CLCN5: variants seen among roughly 807,000 people sequenced by gnomAD.
CLCN5 encodes H(+)/Cl(-) exchange transporter 5.
CLCN5 carries 17 observed loss-of-function variants against 54.0 expected under a neutral mutation model. That is an observed-to-expected ratio of 0.31 (90% CI 0.22 to 0.47). The LOEUF is 0.47. CLCN5 is among the 20% of genes least tolerant of loss of function. The probability of loss-of-function intolerance (pLI) is 1.00; values close to 1 mark genes in which losing one functional copy is unlikely to be tolerated. For missense variants in CLCN5, 448 were observed against 646.7 expected (o/e 0.69, Z 3.33); for synonymous variants, 222 against 233.0 (o/e 0.95, Z 0.43).
intron 3 of CLCN5, among the ~76,000 whole-genome samples, chrX:50,032,585 A>T (rs1931764188): frequency 9.4e-6 from 1 of 106,015 alleles, no homozygotes; most frequent in African/African-American, 3.7e-5. Context: ...TTTTCTTGTA[A>T]ATTTGTTTGA....
Position 49,952,631 on chromosome X carries a change from C to G in CLCN5, c.16+27317C>G, listed in dbSNP as rs560395760. ...AATTGGCTTTTCCTTTTATAGAATT[C>G]TAAAATGTTAAAGCTACAAATGGAT... On this transcript the variant is annotated intron_variant, in intron 3 of 14. Coordinates refer to ENST00000376091, the MANE Select transcript of CLCN5 (RefSeq NM_001127898.4). Among the ~76,000 whole-genome samples, 96 of 110,773 alleles carry G rather than the reference C, an allele frequency of 8.7e-4. 1 individual carries two copies. In the South Asian group the frequency reaches 0.034, roughly 40 times the overall value.
Position 50,090,120 on chromosome X carries a change from G to A in CLCN5, c.1749G>A (p.Gly583=). The change falls in exon 13 of 15, where the codon GGG becomes GGA. Residue 583 remains glycine, a synonymous_variant. Coordinates refer to ENST00000376091, the MANE Select transcript of CLCN5 (RefSeq NM_001127898.4). ...AMVGAAACLG[G]VTRMTVSLVV... is the part of the protein sequence containing the mutation. ...ACTGTGTCTATTTCTTTGCAGGTGG[G>A]GTGACTCGGATGACTGTTTCTCTTG... The A allele has an allele frequency of 8.3e-7, 1 of 1,210,401 alleles. No individual in the cohort carries two copies.
At chrX:50,065,820 T>TA (rs1254403541) in intron 4 of CLCN5, among the ~76,000 whole-genome samples, 1 of 101,953 alleles carries the variant, frequency 9.8e-6, no homozygotes, top group African/African-American at 3.7e-5. Context: ...CACCATGGAA[T>TA]ACTATGCAGC....
At chrX:49,924,653 TATA>T (rs1386431044) in intron 2 of CLCN5, among the ~76,000 whole-genome samples, 1 of 112,155 alleles carries the variant, frequency 8.9e-6, no homozygotes, top group Non-Finnish European at 1.9e-5. Flanking sequence ...GGTGGGAAAG[TATA>T]ATGACACAAG....
chrX:50,004,390 G>T (rs1557181088), intron 3 of CLCN5, among the ~76,000 whole-genome samples: 1 of 111,054 alleles, frequency 9.0e-6, no homozygotes, highest in Non-Finnish European at 1.9e-5. Context: ...CAAGGAGTGG[G>T]TGGGGGTAGT....
At chrX:49,932,204 TCATGCCTG>T (rs1335348430) in intron 3 of CLCN5, among the ~76,000 whole-genome samples, 1 of 111,825 alleles carries the variant, frequency 8.9e-6, no homozygotes, top group Admixed American at 9.4e-5. Context: ...GCATGAGCCA[TCATGCCTG>T]GACCCATCTC....
intron 14 of CLCN5, among the ~76,000 whole-genome samples, chrX:50,091,165 A>C (rs1934087620): frequency 8.9e-6 from 1 of 112,145 alleles, no homozygotes; most frequent in African/African-American, 3.2e-5. Flanking sequence ...TTTTGTGCAT[A>C]GGCAGCACTG....
In CLCN5 at chrX:50,080,575, C is replaced by G. The variant is rs782335406; in HGVS notation, c.604-19C>G. On this transcript the variant is annotated intron_variant, in intron 7 of 14. Coordinates refer to ENST00000376091, the MANE Select transcript of CLCN5 (RefSeq NM_001127898.4). ...AAGCTGTCTAGGCTAAAACAAGCTT[C>G]TTTTTCCCCCTGTTCCAGGGAGCCT... The G allele has an allele frequency of 1.3e-5, 15 of 1,186,397 alleles. No individual in the cohort carries two copies. In the East Asian group the frequency reaches 4.6e-4, roughly 37 times the overall value.
At chrX:49,951,014 A>G (rs1557172923) in intron 3 of CLCN5, among the ~76,000 whole-genome samples, 1 of 111,376 alleles carries the variant, frequency 9.0e-6, no homozygotes, top group Admixed American at 9.5e-5. Flanking sequence ...AACCATCCCT[A>G]CCTTTCCCAT....
At chrX:50,088,971 T>C (rs1198538705) in intron 12 of CLCN5, 87 bp downstream of exon 12, 7 of 871,756 alleles carry the variant, frequency 8.0e-6, no homozygotes, top group Non-Finnish European at 1.0e-5. Context: ...TGTAGGAGAA[T>C]TTAAATGCCC....
At chrX:49,944,205 G>T (rs782316451) in intron 3 of CLCN5, among the ~76,000 whole-genome samples, 69 of 111,130 alleles carry the variant, frequency 6.2e-4, no homozygotes, top group African/African-American at 1.0e-3. Flanking sequence ...GCTCTCTGTT[G>T]GTCTGTTATT....
intron 3 of CLCN5, among the ~76,000 whole-genome samples, chrX:50,027,870 T>C (rs901548686): frequency 1.8e-5 from 2 of 111,285 alleles, no homozygotes; most frequent in African/African-American, 6.5e-5. Context: ...GTGTTTACAT[T>C]TGTTGTAACT....
At chrX:49,927,242 T>C (rs1244921378) in intron 3 of CLCN5, among the ~76,000 whole-genome samples, 1 of 112,551 alleles carries the variant, frequency 8.9e-6, no homozygotes, top group East Asian at 2.7e-4. Flanking sequence ...GTTAATGATT[T>C]ATTTTACAAT....
intron 4 of CLCN5, among the ~76,000 whole-genome samples, chrX:50,056,161 T>TC (rs1255776941): frequency 3.6e-5 from 4 of 110,589 alleles, no homozygotes; most frequent in Admixed American, 9.8e-5. Flanking sequence ...CTTGAAATTT[T>TC]CCCCCCACTA....
At chrX:50,085,686 G>A in intron 9 of CLCN5, 1 of 347,099 alleles carries the variant, frequency 2.9e-6, no homozygotes, top group Non-Finnish European at 5.1e-6. Flanking sequence ...TTCAAATGCA[G>A]TTACTGAATT....
chrX:50,019,101 T>C (rs1930934561), intron 3 of CLCN5, among the ~76,000 whole-genome samples: 1 of 111,818 alleles, frequency 8.9e-6, no homozygotes, highest in Non-Finnish European at 1.9e-5. Context: ...TATTTATTAG[T>C]AGTTTAGTTT....
chrX:49,995,759 G>A (rs1929489164), intron 3 of CLCN5, among the ~76,000 whole-genome samples: 1 of 111,854 alleles, frequency 8.9e-6, no homozygotes, highest in Non-Finnish European at 1.9e-5. Context: ...TGTCATTTTT[G>A]TTTAAATTTC....
intron 4 of CLCN5, among the ~76,000 whole-genome samples, chrX:50,052,996 G>A (rs5952564): frequency 8.9e-6 from 1 of 111,738 alleles, no homozygotes; most frequent in African/African-American, 3.2e-5. Flanking sequence ...GGGATTTCTA[G>A]CTCTCTTTGT....
At chrX:49,982,311 T>A (rs782439242) in intron 3 of CLCN5, among the ~76,000 whole-genome samples, 228 of 109,970 alleles carry the variant, frequency 2.1e-3, no homozygotes, top group Non-Finnish European at 2.7e-3. Flanking sequence ...TTTTTTTTTT[T>A]AATTCAATCA....
Sources: allele counts gnomAD v4.1 joint callset (sites outside exome capture counted in the v4.1 genomes callset), GRCh38; gene constraint gnomAD v4.1.1; transcripts MANE v1.5; gene names NCBI Gene and HGNC (gene_info 2026-07-23, HGNC 2026-07-21).